Variants in KCND3 observed in about 807,000 individuals in gnomAD.
The protein encoded by KCND3 is potassium voltage-gated channel subfamily D member 3.
KCND3 carries 9 observed loss-of-function variants against 51.1 expected under a neutral mutation model. The observed-to-expected ratio is 0.18, with a 90% CI of 0.11 to 0.31. The LOEUF is 0.31. KCND3 is among the 10% of genes least tolerant of loss of function. The probability of loss-of-function intolerance (pLI) is 1.00; values close to 1 mark genes in which losing one functional copy is unlikely to be tolerated. For synonymous variants in KCND3, 349 were observed against 368.0 expected, an observed-to-expected ratio of 0.95 and a Z score of 0.59; for missense variants, 526 against 903.8, an observed-to-expected ratio of 0.58 and a Z score of 5.36.
At chr1:111,931,792 C>A (rs1671984693) in intron 2 of KCND3, among the ~76,000 whole-genome samples, 1 of 152,198 alleles carries the variant, frequency 6.6e-6, no homozygotes, top group Non-Finnish European at 1.5e-5. Context: ...TCTTCTGTGC[C>A]ATGAGATAAT....
chr1:111,853,815 C>G (rs1667933888), intron 2 of KCND3: 1 of 152,232 alleles, frequency 6.6e-6, no homozygotes, highest in Admixed American at 6.5e-5. Context: ...TCAGTTTCAT[C>G]ATCTGTAAAA....
intron 2 of KCND3, among the ~76,000 whole-genome samples, chr1:111,852,453 C>CCAGA (rs1667864142): frequency 6.6e-6 from 1 of 152,180 alleles, no homozygotes; most frequent in South Asian, 2.1e-4. Flanking sequence ...TAAGCCTGGC[C>CCAGA]CAGACAGCTT....
intron 2 of KCND3, among the ~76,000 whole-genome samples, chr1:111,879,407 G>A (rs1292315031): frequency 6.6e-6 from 1 of 152,152 alleles, no homozygotes; most frequent in Non-Finnish European, 1.5e-5. Context: ...AATGGCCCCT[G>A]AAATACAGCC....
intron 2 of KCND3, among the ~76,000 whole-genome samples, chr1:111,957,545 C>G (rs983386306): frequency 6.6e-6 from 1 of 151,722 alleles, no homozygotes; most frequent in Non-Finnish European, 1.5e-5. Flanking sequence ...CCAAGTTCCA[C>G]AATGATATAA....
At chr1:111,906,851 C>G (rs1056047823) in intron 2 of KCND3, among the ~76,000 whole-genome samples, 13 of 152,224 alleles carry the variant, frequency 8.5e-5, no homozygotes, top group Non-Finnish European at 1.9e-4. Context: ...GCTTCCCAAG[C>G]TTCCCATGCT....
At chr1:111,815,775 A>T (rs912643384) in intron 2 of KCND3, among the ~76,000 whole-genome samples, 1 of 151,686 alleles carries the variant, frequency 6.6e-6, no homozygotes, top group Non-Finnish European at 1.5e-5. Context: ...GCTATTATCT[A>T]GTTGTGGTTT....
Position 111,848,080 on chromosome 1 carries a change from G to A in KCND3, c.1107-60974C>T, listed in dbSNP as rs150143317. 3.9e-5 allele frequency among the ~76,000 whole-genome samples: 6 copies of A among 152,326 alleles called. No homozygotes were observed. The East Asian group carries it at 1.2e-3, about 29-fold the overall frequency. ...TTGCCTGTGTTTCATGAGGACCTGT[G>A]TGTCCTAGGCACTGAGGGAGCTGAC... On this transcript the variant is annotated intron_variant, in intron 2 of 7. Transcript: ENST00000302127.
chr1:111,802,403 A>T (rs1665352962), intron 2 of KCND3, among the ~76,000 whole-genome samples: 1 of 152,226 alleles, frequency 6.6e-6, no homozygotes, highest in African/African-American at 2.4e-5. Context: ...TGGGTACAAG[A>T]CAATGTCATG....
intron 2 of KCND3, among the ~76,000 whole-genome samples, chr1:111,951,172 A>AG (rs1272958597): frequency 6.6e-6 from 1 of 150,750 alleles, no homozygotes; most frequent in Non-Finnish European, 1.5e-5. Context: ...AAAAAAAAAA[A>AG]AAAAAAAAAA....
chr1:111,829,240 G>T (rs1666720561), intron 2 of KCND3, among the ~76,000 whole-genome samples: 1 of 152,206 alleles, frequency 6.6e-6, no homozygotes, highest in South Asian at 2.1e-4. Context: ...AATGAAAGGG[G>T]ATGCTAGAGC....
chr1:111,945,841 G>C, intron 2 of KCND3, among the ~76,000 whole-genome samples: 1 of 152,190 alleles, frequency 6.6e-6, no homozygotes, highest in East Asian at 1.9e-4. Flanking sequence ...TGAGGTCTTG[G>C]TGCACTGGCC....
intron 1 of KCND3, among the ~76,000 whole-genome samples, chr1:111,983,914 C>A (rs1468834861): frequency 1.3e-5 from 2 of 152,194 alleles, no homozygotes; most frequent in East Asian, 1.9e-4. Flanking sequence ...CTTCCCAAAT[C>A]TGGCTTTTTA....
intron 2 of KCND3, among the ~76,000 whole-genome samples, chr1:111,828,290 G>C (rs1666670972): frequency 6.6e-6 from 1 of 152,174 alleles, no homozygotes; most frequent in South Asian, 2.1e-4. Context: ...TGTGAACAAG[G>C]ATAGGATCTA....
At chr1:111,943,978 C>T (rs1417118924) in intron 2 of KCND3, among the ~76,000 whole-genome samples, 2 of 152,256 alleles carry the variant, frequency 1.3e-5, no homozygotes, top group African/African-American at 4.8e-5. Flanking sequence ...AGAAAAGCCT[C>T]TGCTTTGGCA....
Position 111,783,770 on chromosome 1 carries a change from G to A in KCND3, c.1270-2979C>T, listed in dbSNP as rs561861607. Among the ~76,000 whole-genome samples the A allele has an allele frequency of 7.8e-4, 119 of 152,148 alleles. 1 individual carries two copies. The highest frequency in any genetic ancestry group is 4.3e-3 in the Admixed American group (66 of 15,270). Reference sequence around the variant, plus strand: ...GTCCAAAACTGAAATCATCCCTGGTGTTTCTCATCAGGCAAATAAACAAAC... The same window carrying A: ...GTCCAAAACTGAAATCATCCCTGGTATTTCTCATCAGGCAAATAAACAAAC... On this transcript the variant is annotated intron_variant, in intron 3 of 7. Transcript: ENST00000302127.
intron 2 of KCND3, among the ~76,000 whole-genome samples, chr1:111,855,361 C>T (rs1668016857): frequency 6.6e-6 from 1 of 152,238 alleles, no homozygotes; most frequent in African/African-American, 2.4e-5. Context: ...TCATCCCCCT[C>T]ATCTTCCAAG....
chr1:111,981,325 C>A lies in KCND3; in HGVS notation c.1106+296G>T, dbSNP rs75584783. Among the ~76,000 whole-genome samples the A allele has an allele frequency of 6.3e-3, 956 of 152,054 alleles. 11 individuals are homozygous for A. The highest frequency in any genetic ancestry group is 0.022 in the African/African-American group (918 of 41,454). ...TACAAATGCAGACATCACCTCACCC[C>A]GAGACTTCACACGCACACAAGGCAT... On this transcript the variant is annotated intron_variant, in intron 2 of 7. Coordinates refer to ENST00000302127, the MANE Select transcript of KCND3 (RefSeq NM_001378969.1). This position sits in a 1 kb window ranked among gnomAD's most constrained non-coding sequence, Gnocchi z 6.2.
In KCND3 at chr1:111,780,582, C is replaced by A; in HGVS notation, c.1371+108G>T. The A allele has an allele frequency of 9.8e-7, 1 of 1,024,278 alleles. No homozygotes were observed. 63.4% of individuals were successfully genotyped at this position (1,024,278 alleles called of 1,614,324 possible). On this transcript the variant is annotated intron_variant, in intron 4 of 7. Coordinates refer to ENST00000302127, the MANE Select transcript of KCND3 (RefSeq NM_001378969.1). The surrounding 1 kb of genome is among the most constrained non-coding windows in gnomAD (Gnocchi z 4.2). Reference sequence around the variant, plus strand: ...GGGGAAAGTTTGGAAACGTGTCCTCCTTGGGGTTCATACTGGGGCTCTGGT... The same window carrying A: ...GGGGAAAGTTTGGAAACGTGTCCTCATTGGGGTTCATACTGGGGCTCTGGT...
chr1:111,941,838 A>G (rs961519193), intron 2 of KCND3, among the ~76,000 whole-genome samples: 2 of 152,228 alleles, frequency 1.3e-5, no homozygotes, highest in Non-Finnish European at 2.9e-5. Flanking sequence ...TTGACATACA[A>G]TTAGCAAGGA....
Sources: gnomAD v4.1 joint callset for allele counts (sites outside exome capture counted in the v4.1 genomes callset) on GRCh38, gnomAD v4.1.1 for gene constraint, Gnocchi (gnomAD v3.1) non-coding constraint, MANE v1.5 for transcripts, NCBI Gene and HGNC (gene_info 2026-07-23, HGNC 2026-07-21) for gene names.